Variants in KCNQ1 observed in about 807,000 individuals in gnomAD.
KCNQ1 encodes the protein potassium voltage-gated channel subfamily KQT member 1.
KCNQ1 carries 49 observed loss-of-function variants against 72.4 expected under a neutral mutation model. That is an observed-to-expected ratio of 0.68 (90% CI 0.54 to 0.86). The LOEUF is 0.86. Ranked by LOEUF, KCNQ1 falls within the 40% of genes least tolerant of loss-of-function variation. The pLI is 0.00. For synonymous variants in KCNQ1, 450 were observed against 412.6 expected, an observed-to-expected ratio of 1.09 and a Z score of -1.10; for missense variants, 790 against 945.1, an observed-to-expected ratio of 0.84 and a Z score of 2.15.
rs762818502 is a variant in KCNQ1, at chr11:2,661,965, G to A, written c.1398G>A (p.Arg466=). 1.9e-6 allele frequency: 3 copies of A among 1,614,182 alleles called. No homozygotes were observed. Among genetic ancestry groups the A allele is most frequent in the Non-Finnish European group, 2.5e-6 (3 of 1,180,046 alleles). The stretch of plus-strand genomic sequence containing the variant: ...GTCCCCACACTTTCTCCTCAGTAAG[G>A]AAGAGCCCAACACTGCTGGAAGTGA... The part of the protein sequence containing the change: ...FSVDGYDSSV[R]KSPTLLEVSM... Residue 466 remains arginine, a synonymous_variant, in exon 11 of 16, where the codon AGG becomes AGA. Coordinates refer to ENST00000155840, the MANE Select transcript of KCNQ1 (RefSeq NM_000218.3). The surrounding 1 kb of genome is among the most constrained non-coding windows in gnomAD (Gnocchi z 5.9).
intron 10 of KCNQ1, chr11:2,655,849 A>T: frequency 5.0e-6 from 2 of 398,668 alleles, no homozygotes; most frequent in Non-Finnish European, 8.8e-6. Flanking sequence ...CTCCTCTTGA[A>T]TTGGAAAAAC....
intron 15 of KCNQ1, among the ~76,000 whole-genome samples, chr11:2,814,305 AGATG>A (rs764840564): frequency 9.2e-5 from 13 of 140,868 alleles, no homozygotes; most frequent in African/African-American, 3.1e-4. Context: ...ATGGATGGAT[AGATG>A]GATGGATGGA....
At chr11:2,545,726 G>T (rs1847895018) in intron 2 of KCNQ1, among the ~76,000 whole-genome samples, 1 of 152,136 alleles carries the variant, frequency 6.6e-6, no homozygotes, top group South Asian at 2.1e-4. Context: ...TCAGGTGATT[G>T]CTTCTTGAGT....
rs1264919298 is a variant in KCNQ1, at chr11:2,623,849, C to T, written c.1393+34995C>T. 4 of 398,362 alleles carry T rather than the reference C, an allele frequency of 1.0e-5. No homozygotes were observed. The highest frequency in any genetic ancestry group is 1.3e-4 in the South Asian group (1 of 7,862). 24.7% of individuals were successfully genotyped at this position (398,362 alleles called of 1,614,324 possible). On this transcript the variant is annotated intron_variant, in intron 10 of 15. Transcript: ENST00000155840. This position sits in a 1 kb window ranked among gnomAD's most constrained non-coding sequence, Gnocchi z 5.2. ...TAATTTTATAAGAAACCACTGATTT[C>T]GATATACTCTGGATTCTTCGGGGGA...
chr11:2,602,682 T>C lies in KCNQ1; in HGVS notation c.1393+13828T>C, dbSNP rs368552222. Among the ~76,000 whole-genome samples, 17 of 152,364 alleles carry C rather than the reference T, an allele frequency of 1.1e-4. 2 individuals carry two copies. Among genetic ancestry groups the C allele is most frequent in the African/African-American group, 3.8e-4 (16 of 41,590 alleles). ...TTACATTTCCTCATTAGGATGATACTGAACATCTTTTCATGTGCCTGTTTG... is the reference window on the plus strand; with the variant it reads ...TTACATTTCCTCATTAGGATGATACCGAACATCTTTTCATGTGCCTGTTTG... On this transcript the variant is annotated intron_variant, in intron 10 of 15. Coordinates refer to ENST00000155840, the MANE Select transcript of KCNQ1 (RefSeq NM_000218.3). The surrounding 1 kb of genome is among the most constrained non-coding windows in gnomAD (Gnocchi z 4.8).
rs962782264 is a variant in KCNQ1, at chr11:2,609,127, A to G, written c.1393+20273A>G. ...CTTGAGGTGGAGAGTTGGCTTACTG[A>G]TTTGAAGCCTTATTTTTTGATATAG... is the stretch of plus-strand genomic sequence containing the variant. On this transcript the variant is annotated intron_variant, in intron 10 of 15. Coordinates refer to ENST00000155840, the MANE Select transcript of KCNQ1 (RefSeq NM_000218.3). 3.0e-5 allele frequency: 12 copies of G among 398,134 alleles called. No individual in the cohort carries two copies. In the Admixed American group the frequency reaches 3.1e-4, roughly 10 times the overall value. 24.7% of individuals were successfully genotyped at this position (398,134 alleles called of 1,614,324 possible).
At chr11:2,590,919 C>T (rs898570257) in intron 10 of KCNQ1, among the ~76,000 whole-genome samples, 1 of 152,334 alleles carries the variant, frequency 6.6e-6, no homozygotes, top group East Asian at 1.9e-4. Flanking sequence ...GGAGGCCAAG[C>T]GCTGATGCCC....
rs1846518634 is a variant in KCNQ1, at chr11:2,767,369, T to A, written c.1515-1475T>A. ...ATATACCGTGTACATTCCCCAGTAC[T>A]CTTTCATCAGTGAAGTCACAAGGTG... is the stretch of plus-strand genomic sequence containing the variant. On this transcript the variant is annotated intron_variant, in intron 11 of 15. Transcript: ENST00000155840. The surrounding 1 kb of genome is among the most constrained non-coding windows in gnomAD (Gnocchi z 4.6). Among the ~76,000 whole-genome samples, 1 of 152,188 alleles carries A rather than the reference T, an allele frequency of 6.6e-6. No homozygotes were observed. The highest frequency in any genetic ancestry group is 2.4e-5 in the African/African-American group (1 of 41,434).
chr11:2,728,652 G>A lies in KCNQ1; in HGVS notation c.1515-40192G>A, dbSNP rs761147161. Among the ~76,000 whole-genome samples the A allele has an allele frequency of 7.9e-5, 12 of 152,330 alleles. No individual in the cohort carries two copies. In the South Asian group the frequency reaches 1.7e-3, roughly 21 times the overall value. ...CCTCCCAGAAGCTGGCCTACAGGAC[G>A]GAGGCTCAGGGTGGCCAGTTGGGCA... On this transcript the variant is annotated intron_variant, in intron 11 of 15. Transcript: ENST00000155840.
At position 2,695,820 on chromosome 11, in the gene KCNQ1, C is replaced by T. The variant is rs2133897573; in HGVS notation, c.1514+33739C>T. 4 of 398,594 alleles carry T rather than the reference C, an allele frequency of 1.0e-5. No individual in the cohort carries two copies. In the East Asian group the frequency reaches 1.1e-4, roughly 11 times the overall value. The allele number at this position is 398,594 out of a possible 1,614,324, so 24.7% of individuals were successfully genotyped here. A position where few individuals can be genotyped will look rare whatever the true frequency, so the allele number is the denominator to read the frequency against. On this transcript the variant is annotated intron_variant, in intron 11 of 15. Transcript: ENST00000155840. This position sits in a 1 kb window ranked among gnomAD's most constrained non-coding sequence, Gnocchi z 5.2. ...GAAGAATAGCTGTTGCTTTCATTTA[C>T]ATTTCTCTGATAACTGATTAGCTTG...
intron 11 of KCNQ1, chr11:2,665,606 C>T (rs1384501749): frequency 2.5e-6 from 1 of 397,142 alleles, no homozygotes; most frequent in Non-Finnish European, 4.4e-6. Context: ...CCCCAGGACA[C>T]ACTTAGGCTG....
chr11:2,697,503 A>G (rs939506034), intron 11 of KCNQ1: 2 of 398,466 alleles, frequency 5.0e-6, no homozygotes, highest in African/African-American at 4.1e-5. Flanking sequence ...TTGGTTTATA[A>G]CTTGTATCAA....
chr11:2,593,765 G>A lies in KCNQ1; in HGVS notation c.1393+4911G>A, dbSNP rs1848699904. 6.6e-6 allele frequency among the ~76,000 whole-genome samples: 1 copy of A among 152,148 alleles called. No homozygotes were observed. The highest frequency in any genetic ancestry group is 1.5e-5 in the Non-Finnish European group (1 of 68,038). On this transcript the variant is annotated intron_variant, in intron 10 of 15. Transcript: ENST00000155840. The surrounding 1 kb of genome is among the most constrained non-coding windows in gnomAD (Gnocchi z 6.9). ...AGGCTGTAGCCTCCTCCTGCTCCCG[G>A]CTCCGCGTCCTCAGCCCAACACACC...
intron 6 of KCNQ1, among the ~76,000 whole-genome samples, chr11:2,578,409 C>T (rs531232156): frequency 6.6e-6 from 1 of 152,358 alleles, no homozygotes; most frequent in African/African-American, 2.4e-5. Context: ...GTCCCACATC[C>T]CCTGGAACCA....
intron 11 of KCNQ1, chr11:2,662,429 C>T: frequency 2.0e-6 from 1 of 503,834 alleles, no homozygotes. Context: ...TTAGCATTTC[C>T]CCATGGAACC....
rs907163450 is a variant in KCNQ1 at position 2,815,388 on chromosome 11, T to G, written c.1795-32379T>G. Among the ~76,000 whole-genome samples the G allele has an allele frequency of 6.6e-6, 1 of 152,104 alleles. No homozygotes were observed. The highest frequency in any genetic ancestry group is 2.4e-5 in the African/African-American group (1 of 41,406). On this transcript the variant is annotated intron_variant, in intron 15 of 15. Coordinates refer to ENST00000155840, the MANE Select transcript of KCNQ1 (RefSeq NM_000218.3). The surrounding 1 kb of genome is among the most constrained non-coding windows in gnomAD (Gnocchi z 5.4). ...GGAGCTCATGGGCACCTCTGGGTTC[T>G]AAGAAGCTATGCTGAGGCCCACAGG...
At position 2,847,818 on chromosome 11, in the gene KCNQ1, C is replaced by T; in HGVS notation, c.1846C>T (p.Leu616=). ...ACTCATCACCGACATGCTTCACCAG[C>T]TGCTCTCCTTGCACGGTGGCAGCAC... The part of the protein sequence containing the change: ...LALITDMLHQ[L]LSLHGGSTPG... Residue 616 remains leucine (L), a synonymous_variant, in exon 16 of 16, where the codon CTG becomes TTG. Coordinates refer to ENST00000155840, the MANE Select transcript of KCNQ1 (RefSeq NM_000218.3). 1.3e-6 allele frequency: 2 copies of T among 1,569,280 alleles called. No individual in the cohort carries two copies. Among genetic ancestry groups the T allele is most frequent in the Non-Finnish European group, 1.7e-6 (2 of 1,156,844 alleles).
chr11:2,588,827 T>C lies in KCNQ1; in HGVS notation c.1366T>C (p.Phe456Leu), dbSNP rs1374913278. The C allele has an allele frequency of 6.2e-7, 1 of 1,612,134 alleles. No homozygotes were observed. Among genetic ancestry groups the C allele is most frequent in the Admixed American group, 1.7e-5 (1 of 59,944 alleles). The change falls in exon 10 of 16, where the codon TTC (phenylalanine) becomes CTC (leucine). Residue 456 changes from phenylalanine to leucine, a missense_variant. Physicochemically the swap from Phe to Leu is conservative, Grantham distance 22. This residue lies in a region of KCNQ1 where 178 missense variants were observed against 177.9 expected (regional missense o/e 1.00). Transcript: ENST00000155840. This position sits in a 1 kb window ranked among gnomAD's most constrained non-coding sequence, Gnocchi z 5.6. The part of the protein sequence containing the change: ...DPPEERRLDH[F>L]SVDGYDSSVR... Reference sequence around the variant, plus strand: ...CCCAGAAGAGCGGCGGCTGGACCACTTCTCTGTCGACGGCTATGACAGTTC... The same window carrying C: ...CCCAGAAGAGCGGCGGCTGGACCACCTCTCTGTCGACGGCTATGACAGTTC...
At chr11:2,777,085 C>T (rs1442403007) in intron 14 of KCNQ1, 53 bp downstream of exon 14, 14 of 1,550,206 alleles carry the variant, frequency 9.0e-6, no homozygotes, top group Admixed American at 3.4e-5. Context: ...TGGACTCTCC[C>T]GCACCTCTGC....
Sources: gnomAD v4.1 joint callset for allele counts (sites outside exome capture counted in the v4.1 genomes callset) on GRCh38, gnomAD v4.1.1 for gene constraint, gnomAD v4.1.1 regional missense constraint, Gnocchi (gnomAD v3.1) non-coding constraint, MANE v1.5 for transcripts, NCBI Gene and HGNC (gene_info 2026-07-23, HGNC 2026-07-21) for gene names.